AGBL1: variants seen among roughly 807,000 people sequenced by gnomAD.
AGBL1 encodes the protein AGBL carboxypeptidase 1.
In AGBL1, 130 loss-of-function variants were observed where a neutral mutation model predicts 118.9. The ratio of observed to expected loss-of-function variants is 1.09; its 90% CI spans 0.95 to 1.26. The LOEUF (loss-of-function observed/expected upper bound fraction) is 1.26, where lower values mean the gene tolerates loss of function less well. Ranked by LOEUF, AGBL1 falls within the 50% of genes most tolerant of loss-of-function variation. The probability of loss-of-function intolerance (pLI) is 0.00; values close to 1 mark genes in which losing one functional copy is unlikely to be tolerated. For missense variants in AGBL1, 1,584 were observed against 1,298.1 expected (o/e 1.22, Z -3.38); for synonymous variants, 555 against 478.9 (o/e 1.16, Z -2.08).
chr15:86,270,144 C>T (rs993088090), intron 14 of AGBL1, 77 bp downstream of exon 14: 14 of 1,516,476 alleles, frequency 9.2e-6, no homozygotes, highest in Non-Finnish European at 1.2e-5. Context: ...ATTCAAAGAG[C>T]CTTTGCTTGG....
At chr15:86,119,420 C>T (rs1897956082) in intron 1 of AGBL1, among the ~76,000 whole-genome samples, 1 of 152,038 alleles carries the variant, frequency 6.6e-6, no homozygotes, top group South Asian at 2.1e-4. Flanking sequence ...CAACTATCCC[C>T]ACATCCTGCA....
At chr15:86,403,944 A>G (rs1055897306) in intron 18 of AGBL1, among the ~76,000 whole-genome samples, 1 of 152,226 alleles carries the variant, frequency 6.6e-6, no homozygotes, top group African/African-American at 2.4e-5. Flanking sequence ...AGCTAGTTCA[A>G]CATGGAACTG....
chr15:86,713,293 G>A (rs1246977441), intron 22 of AGBL1, among the ~76,000 whole-genome samples: 1 of 152,126 alleles, frequency 6.6e-6, no homozygotes, highest in African/African-American at 2.4e-5. Flanking sequence ...AAATGCTAGG[G>A]GTGGAGCAGA....
intron 17 of AGBL1, among the ~76,000 whole-genome samples, chr15:86,382,059 T>C (rs1204153222): frequency 2.0e-5 from 3 of 152,156 alleles, no homozygotes; most frequent in African/African-American, 4.8e-5. Flanking sequence ...TGTAGATGTC[T>C]TGTGGGACTC....
At chr15:86,835,222 G>A (rs550055016) in intron 22 of AGBL1, among the ~76,000 whole-genome samples, 8 of 152,070 alleles carry the variant, frequency 5.3e-5, no homozygotes, top group East Asian at 1.9e-4. Context: ...GAAGCAACTC[G>A]CTGGGATCAT....
chr15:86,930,083 C>T (rs533498262), intron 23 of AGBL1, among the ~76,000 whole-genome samples: 1 of 151,968 alleles, frequency 6.6e-6, no homozygotes, highest in Admixed American at 6.6e-5. Flanking sequence ...TGTCTTCCCC[C>T]AGATACTACT....
intron 21 of AGBL1, among the ~76,000 whole-genome samples, chr15:86,591,114 G>T (rs767626880): frequency 2.6e-5 from 4 of 152,076 alleles, no homozygotes; most frequent in Non-Finnish European, 5.9e-5. Context: ...TAACCTTGAC[G>T]CTTAAAGGTG....
chr15:86,117,536 A>C (rs1365060284), intron 1 of AGBL1, among the ~76,000 whole-genome samples: 1 of 152,154 alleles, frequency 6.6e-6, no homozygotes, highest in Non-Finnish European at 1.5e-5. Flanking sequence ...AAAGACTCCA[A>C]AGTAAGAATT....
At chr15:86,584,258 C>T (rs1305602791) in intron 21 of AGBL1, among the ~76,000 whole-genome samples, 1 of 152,028 alleles carries the variant, frequency 6.6e-6, no homozygotes, top group Admixed American at 6.6e-5. Context: ...AATTCTTTCC[C>T]AAGGTCAATG....
chr15:86,745,437 A>G (rs2077741946), intron 22 of AGBL1, among the ~76,000 whole-genome samples: 1 of 152,020 alleles, frequency 6.6e-6, no homozygotes, highest in African/African-American at 2.4e-5. Flanking sequence ...CATCTATGCC[A>G]CAGGAAAAGT....
chr15:86,384,675 C>T (rs750811594), intron 17 of AGBL1, among the ~76,000 whole-genome samples: 1 of 152,068 alleles, frequency 6.6e-6, no homozygotes, highest in Non-Finnish European at 1.5e-5. Context: ...ATCTCAGCCT[C>T]GATTACACCA....
chr15:86,502,373 T>C (rs1353170381), intron 18 of AGBL1, among the ~76,000 whole-genome samples: 1 of 151,490 alleles, frequency 6.6e-6, no homozygotes, highest in Non-Finnish European at 1.5e-5. Flanking sequence ...TTGTATCATT[T>C]GCAAATAAAG....
chr15:87,018,690 C>T (rs1482913937), intron 24 of AGBL1, among the ~76,000 whole-genome samples: 1 of 151,998 alleles, frequency 6.6e-6, no homozygotes, highest in Non-Finnish European at 1.5e-5. Flanking sequence ...AACAGTGACA[C>T]TATGAAGCAA....
chr15:86,106,677 G>A (rs139372596), intron 1 of AGBL1, among the ~76,000 whole-genome samples: 136 of 152,320 alleles, frequency 8.9e-4, no homozygotes, highest in African/African-American at 3.1e-3. Context: ...AACCCCACTC[G>A]ATTCAATCAG....
chr15:86,496,192 T>G (rs1342099285), intron 18 of AGBL1, among the ~76,000 whole-genome samples: 1 of 152,072 alleles, frequency 6.6e-6, no homozygotes, highest in Non-Finnish European at 1.5e-5. Flanking sequence ...CAATATCTGA[T>G]GATTTTATAA....
intron 22 of AGBL1, among the ~76,000 whole-genome samples, chr15:86,805,767 A>T (rs1409837018): frequency 6.6e-6 from 1 of 152,168 alleles, no homozygotes; most frequent in Non-Finnish European, 1.5e-5. Context: ...CAGGATAGGC[A>T]TTGACAGTCT....
chr15:86,776,931 TTA>T (rs1450198434), intron 22 of AGBL1, among the ~76,000 whole-genome samples: 1 of 152,056 alleles, frequency 6.6e-6, no homozygotes, highest in Non-Finnish European at 1.5e-5. Context: ...TCATTACGTA[TTA>T]TGTTTCTTTT....
At chr15:86,717,111 T>C (rs2086650046) in intron 22 of AGBL1, among the ~76,000 whole-genome samples, 1 of 152,160 alleles carries the variant, frequency 6.6e-6, no homozygotes, top group African/African-American at 2.4e-5. Flanking sequence ...AAATATGTCC[T>C]AGGTGACAAA....
chr15:86,975,579 C>T (rs1452911263), intron 23 of AGBL1, among the ~76,000 whole-genome samples: 1 of 152,086 alleles, frequency 6.6e-6, no homozygotes, highest in Non-Finnish European at 1.5e-5. Flanking sequence ...CAAAAATTCC[C>T]ATTGCTCTCC....
Sources: gnomAD v4.1 joint callset for allele counts (sites outside exome capture counted in the v4.1 genomes callset) on GRCh38, gnomAD v4.1.1 for gene constraint, MANE v1.5 for transcripts, NCBI Gene and HGNC (gene_info 2026-07-23, HGNC 2026-07-21) for gene names.